Variants in GALNT18 observed in about 807,000 individuals in gnomAD.
GALNT18 encodes polypeptide N-acetylgalactosaminyltransferase 18.
In GALNT18, 44 loss-of-function variants were observed where a neutral mutation model predicts 69.5. The observed-to-expected ratio is 0.63, with a 90% CI of 0.50 to 0.81. The LOEUF is 0.81. GALNT18 is among the 40% of genes least tolerant of loss of function. GALNT18 has a pLI of 0.00. For synonymous variants in GALNT18, 364 were observed against 318.2 expected, an observed-to-expected ratio of 1.14 and a Z score of -1.53; for missense variants, 715 against 810.0, an observed-to-expected ratio of 0.88 and a Z score of 1.42.
chr11:11,398,374 T>C (rs11021830), intron 3 of GALNT18, among the ~76,000 whole-genome samples: 15,073 of 152,214 alleles, frequency 0.099, 1,405 homozygotes, highest in East Asian at 0.41. Flanking sequence ...ATAGGAAATA[T>C]TGGCTGTGAG....
intron 3 of GALNT18, among the ~76,000 whole-genome samples, chr11:11,399,150 T>A (rs1001961940): frequency 6.6e-6 from 1 of 152,206 alleles, no homozygotes; most frequent in Non-Finnish European, 1.5e-5. Context: ...ATAAGAGTCA[T>A]GAGAGAGCTT....
At chr11:11,508,785 A>G (rs539437975) in intron 1 of GALNT18, among the ~76,000 whole-genome samples, 127 of 152,314 alleles carry the variant, frequency 8.3e-4, no homozygotes, top group African/African-American at 2.6e-3. Flanking sequence ...GCATTCCACC[A>G]AAGCACAGTG....
rs757231037 is a variant in GALNT18 at position 11,327,093 on chromosome 11, G to A, written c.1505C>T (p.Thr502Met). 77 of 1,611,402 alleles carry A rather than the reference G, an allele frequency of 4.8e-5. No homozygotes were observed. The highest frequency in any genetic ancestry group is 1.8e-4 in the East Asian group (8 of 44,894). Reference protein sequence around the residue: ...VPIMYICHGMTPQNVYYTSSQ... With the variant: ...VPIMYICHGMMPQNVYYTSSQ... ...ATCTCTTAGAGGACTCACCTGAGGC[G>A]TCATCCCATGGCAGATGTACATGAT... Residue 502 changes from threonine (T) to methionine (M), a missense_variant, in exon 9 of 11, where the codon ACG becomes ATG. Coordinates refer to ENST00000227756, the MANE Select transcript of GALNT18 (RefSeq NM_198516.3).
chr11:11,378,019 T>C (rs1357685231), intron 4 of GALNT18, among the ~76,000 whole-genome samples: 2 of 152,254 alleles, frequency 1.3e-5, no homozygotes, highest in Non-Finnish European at 2.9e-5. Flanking sequence ...TCATTAATAA[T>C]ACATTTGGTG....
rs749003883 is a variant in GALNT18 at position 11,439,286 on chromosome 11, G to C, written c.429-6499C>G. ...GTGGGGCAAAGAGGATGGCAGGCTGGAGCTGTCCAGGATGTCTTGAACCAC... is the reference window on the plus strand; with the variant it reads ...GTGGGGCAAAGAGGATGGCAGGCTGCAGCTGTCCAGGATGTCTTGAACCAC... On this transcript the variant is annotated intron_variant, in intron 2 of 10. Transcript: ENST00000227756. This position sits in a 1 kb window ranked among gnomAD's most constrained non-coding sequence, Gnocchi z 4.4. 6.6e-6 allele frequency among the ~76,000 whole-genome samples: 1 copy of C among 152,202 alleles called. No individual in the cohort carries two copies. Among genetic ancestry groups the C allele is most frequent in the Non-Finnish European group, 1.5e-5 (1 of 68,036 alleles).
intron 1 of GALNT18, among the ~76,000 whole-genome samples, chr11:11,536,557 C>T (rs748700087): frequency 6.6e-5 from 10 of 152,160 alleles, no homozygotes; most frequent in Admixed American, 1.3e-4. Context: ...TAACTTCTCC[C>T]TTCCTGACAT....
At position 11,583,338 on chromosome 11, in the gene GALNT18, T is replaced by C. The variant is rs1325451544; in HGVS notation, c.235+38021A>G. ...TTATATCTCATAATGGATGGTGACC[T>C]ATCAGATGCCTTTGGGTCCTCCAGA... On this transcript the variant is annotated intron_variant, in intron 1 of 10. Transcript: ENST00000227756. This position sits in a 1 kb window ranked among gnomAD's most constrained non-coding sequence, Gnocchi z 4.7. Among the ~76,000 whole-genome samples, 1 of 152,198 alleles carries C rather than the reference T, an allele frequency of 6.6e-6. No homozygotes were observed. Among genetic ancestry groups the C allele is most frequent in the African/African-American group, 2.4e-5 (1 of 41,442 alleles).
At position 11,318,941 on chromosome 11, in the gene GALNT18, T is replaced by C. The variant is rs1205513810; in HGVS notation, c.1512+8145A>G. Among the ~76,000 whole-genome samples the C allele has an allele frequency of 6.6e-6, 1 of 152,240 alleles. No individual in the cohort carries two copies. Among genetic ancestry groups the C allele is most frequent in the Non-Finnish European group, 1.5e-5 (1 of 68,048 alleles). On this transcript the variant is annotated intron_variant, in intron 9 of 10. Coordinates refer to ENST00000227756, the MANE Select transcript of GALNT18 (RefSeq NM_198516.3). The surrounding 1 kb of genome is among the most constrained non-coding windows in gnomAD (Gnocchi z 5.1). ...TTGTATGCTAACTCCTAGATTTCTG[T>C]CTGTGTAGAAAAGATCACATGAAAG...
chr11:11,581,011 C>A (rs947012540), intron 1 of GALNT18, among the ~76,000 whole-genome samples: 1 of 152,242 alleles, frequency 6.6e-6, no homozygotes, highest in East Asian at 1.9e-4. Flanking sequence ...CAGCTCCCTG[C>A]GGCCGTTGGA....
At chr11:11,571,324 G>A (rs1473665967) in intron 1 of GALNT18, among the ~76,000 whole-genome samples, 2 of 152,334 alleles carry the variant, frequency 1.3e-5, no homozygotes, top group East Asian at 3.9e-4. Context: ...ATCAACCCCT[G>A]ACTTTGTGTG....
chr11:11,291,313 G>C (rs1849292284), intron 10 of GALNT18, among the ~76,000 whole-genome samples: 1 of 146,704 alleles, frequency 6.8e-6, no homozygotes, highest in African/African-American at 2.5e-5. Flanking sequence ...GTGATGAGAA[G>C]TAAGAGAGAA....
At position 11,587,514 on chromosome 11, in the gene GALNT18, G is replaced by A. The variant is rs1422352380; in HGVS notation, c.235+33845C>T. Among the ~76,000 whole-genome samples, 1 of 152,206 alleles carries A rather than the reference G, an allele frequency of 6.6e-6. No individual in the cohort carries two copies. Among genetic ancestry groups the A allele is most frequent in the Non-Finnish European group, 1.5e-5 (1 of 68,038 alleles). On this transcript the variant is annotated intron_variant, in intron 1 of 10. Transcript: ENST00000227756. The surrounding 1 kb of genome is among the most constrained non-coding windows in gnomAD (Gnocchi z 4.4). ...CCTCGATCTAGGAGGAAGCACTCTG[G>A]AGCTCAGCCTAGGATTTGAATACAG...
chr11:11,302,731 G>A (rs868339065), intron 9 of GALNT18, among the ~76,000 whole-genome samples: 6 of 152,230 alleles, frequency 3.9e-5, no homozygotes, highest in South Asian at 4.1e-4. Flanking sequence ...CAAAATCAGA[G>A]ACAGCAAAGA....
At chr11:11,420,422 T>G (rs75857412) in intron 3 of GALNT18, among the ~76,000 whole-genome samples, 3,083 of 152,186 alleles carry the variant, frequency 0.02, 93 homozygotes, top group African/African-American at 0.071. Context: ...ATGCTCCACT[T>G]TTTGCCGAGC....
In GALNT18 at chr11:11,573,127, T is replaced by C. The variant is rs1164395601; in HGVS notation, c.235+48232A>G. ...GTGGACACTGGGTCTGAATTCACATTGAACTGGTTCCAAAACCCTGCCTTT... is the reference window on the plus strand; with the variant it reads ...GTGGACACTGGGTCTGAATTCACATCGAACTGGTTCCAAAACCCTGCCTTT... On this transcript the variant is annotated intron_variant, in intron 1 of 10. Coordinates refer to ENST00000227756, the MANE Select transcript of GALNT18 (RefSeq NM_198516.3). The surrounding 1 kb of genome is among the most constrained non-coding windows in gnomAD (Gnocchi z 4.6). Among the ~76,000 whole-genome samples the C allele has an allele frequency of 2.0e-5, 3 of 152,178 alleles. No individual in the cohort carries two copies. The highest frequency in any genetic ancestry group is 2.9e-5 in the Non-Finnish European group (2 of 68,024).
At position 11,470,052 on chromosome 11, in the gene GALNT18, A is replaced by C. The variant is rs542479753; in HGVS notation, c.236-21116T>G. Among the ~76,000 whole-genome samples, 194 of 152,284 alleles carry C rather than the reference A, an allele frequency of 1.3e-3. No homozygotes were observed. The highest frequency in any genetic ancestry group is 6.8e-3 in the Middle Eastern group (2 of 294). On this transcript the variant is annotated intron_variant, in intron 1 of 10. Transcript: ENST00000227756. The surrounding 1 kb of genome is among the most constrained non-coding windows in gnomAD (Gnocchi z 4.8). ...ACCTTTAGAGAAAGACTGTCCCTCC[A>C]ATCTGCTTCTGCCTCTCAGGTTACT...
chr11:11,293,731 G>A (rs1355486133), intron 9 of GALNT18, among the ~76,000 whole-genome samples: 2 of 151,822 alleles, frequency 1.3e-5, no homozygotes, highest in Admixed American at 6.6e-5. Flanking sequence ...TAGTAGAAAC[G>A]GGGTTTCACC....
At chr11:11,271,928 G>A (rs1366221420) in intron 10 of GALNT18, among the ~76,000 whole-genome samples, 1 of 152,164 alleles carries the variant, frequency 6.6e-6, no homozygotes. Context: ...CAGCAAATAG[G>A]AAACCCCCAA....
chr11:11,484,593 C>CAAA lies in GALNT18; in HGVS notation c.236-35660_236-35658dup, dbSNP rs1159968814. 2.3e-3 allele frequency among the ~76,000 whole-genome samples: 187 copies of CAAA among 82,828 alleles called. 1 individual carries two copies. Among genetic ancestry groups the CAAA allele is most frequent in the South Asian group, 6.5e-3 (15 of 2,320 alleles). The allele number at this position is 82,828 out of a possible 152,430, so 54.3% of individuals were successfully genotyped here. ...GGGCAAAAAGAGCAAAACTCCATCT[C>CAAA]AAAAAAAAAAAAAAAAAAAAAAATA... On this transcript the variant is annotated intron_variant, in intron 1 of 10. Coordinates refer to ENST00000227756, the MANE Select transcript of GALNT18 (RefSeq NM_198516.3).
Sources: allele counts gnomAD v4.1 joint callset (sites outside exome capture counted in the v4.1 genomes callset), GRCh38; gene constraint gnomAD v4.1.1; non-coding constraint Gnocchi (gnomAD v3.1); transcripts MANE v1.5; gene names NCBI Gene and HGNC (gene_info 2026-07-23, HGNC 2026-07-21).